Variants in SMAP1 observed in about 807,000 individuals in gnomAD.
SMAP1 encodes small ArfGAP 1.
In SMAP1, 24 loss-of-function variants were observed where a neutral mutation model predicts 58.5. The ratio of observed to expected loss-of-function variants is 0.41; its 90% confidence interval spans 0.30 to 0.58. The LOEUF (loss-of-function observed/expected upper bound fraction) is 0.58, where lower values mean the gene tolerates loss of function less well. Ranked by LOEUF, SMAP1 falls within the 20% of genes least tolerant of loss-of-function variation. SMAP1 has a pLI of 0.29. For synonymous variants in SMAP1, 216 were observed against 196.6 expected, an observed-to-expected ratio of 1.10 and a Z score of -0.82; for missense variants, 563 against 566.3, an observed-to-expected ratio of 0.99 and a Z score of 0.06.
rs1026733087 is a variant in SMAP1, at chr6:70,747,412, A to T, written c.253-7568A>T. On this transcript the variant is annotated intron_variant, in intron 2 of 10. Coordinates refer to ENST00000370455, the MANE Select transcript of SMAP1 (RefSeq NM_001044305.3). Reference sequence around the variant, plus strand: ...TGCTAGGTGCAGTTATATGTGTCAGAGGAGGTAAAGGTGAAGGTTACAGCC... The same window carrying T: ...TGCTAGGTGCAGTTATATGTGTCAGTGGAGGTAAAGGTGAAGGTTACAGCC... 2.0e-5 allele frequency among the ~76,000 whole-genome samples: 3 copies of T among 152,278 alleles called. 1 individual carries two copies. In the South Asian group the frequency reaches 6.2e-4, roughly 32 times the overall value.
intron 3 of SMAP1, among the ~76,000 whole-genome samples, chr6:70,768,055 AT>A (rs1271876123): frequency 6.6e-6 from 1 of 151,864 alleles, no homozygotes; most frequent in Non-Finnish European, 1.5e-5. Flanking sequence ...GATTACATTT[AT>A]TGATTTGTGT....
At position 70,860,815 on chromosome 6, in the gene SMAP1, A is replaced by C. The variant is rs1160169273; in HGVS notation, c.*481A>C. 2 of 397,462 alleles carry C rather than the reference A, an allele frequency of 5.0e-6. No homozygotes were observed. The highest frequency in any genetic ancestry group is 8.9e-6 in the Non-Finnish European group (2 of 225,178). The allele number at this position is 397,462 out of a possible 1,614,324, so 24.6% of individuals were successfully genotyped here. ...TTTTCTAGTGTATCAAAATGCTCTT[A>C]TTTCATCATTCACTTCACTGTGCTG... is the stretch of plus-strand genomic sequence containing the variant. On this transcript the variant is annotated 3_prime_UTR_variant, in exon 11 of 11. Transcript: ENST00000370455.
At chr6:70,771,247 G>A (rs1357299047) in intron 3 of SMAP1, among the ~76,000 whole-genome samples, 1 of 152,252 alleles carries the variant, frequency 6.6e-6, no homozygotes, top group Non-Finnish European at 1.5e-5. Context: ...CAGATCTCCA[G>A]CTGTGTGCTG....
At chr6:70,720,455 G>T (rs1768473376) in intron 1 of SMAP1, among the ~76,000 whole-genome samples, 1 of 152,080 alleles carries the variant, frequency 6.6e-6, no homozygotes, top group Admixed American at 6.5e-5. Flanking sequence ...TACCATTCTG[G>T]GATCTGGAGG....
intron 1 of SMAP1, among the ~76,000 whole-genome samples, chr6:70,688,624 T>C (rs1158798433): frequency 6.6e-6 from 1 of 152,236 alleles, no homozygotes; most frequent in Non-Finnish European, 1.5e-5. Flanking sequence ...ATGTTTCATT[T>C]TCTAAATAGA....
intron 1 of SMAP1, among the ~76,000 whole-genome samples, chr6:70,680,811 C>T (rs539958808): frequency 1.1e-4 from 17 of 149,328 alleles, no homozygotes; most frequent in African/African-American, 2.7e-4. Flanking sequence ...CTCTGCCTCC[C>T]GGGTTCAAGT....
chr6:70,822,620 G>C (rs1360927377), intron 6 of SMAP1, among the ~76,000 whole-genome samples: 1 of 152,128 alleles, frequency 6.6e-6, no homozygotes, highest in African/African-American at 2.4e-5. Context: ...TGATGTACTT[G>C]GGTATAATTT....
intron 3 of SMAP1, among the ~76,000 whole-genome samples, chr6:70,765,648 C>T (rs1766939710): frequency 6.6e-6 from 1 of 152,128 alleles, no homozygotes; most frequent in Non-Finnish European, 1.5e-5. Flanking sequence ...TTTCTTACCA[C>T]ATCATTTATT....
At chr6:70,834,315 A>C (rs1770479332) in intron 6 of SMAP1, among the ~76,000 whole-genome samples, 2 of 151,890 alleles carry the variant, frequency 1.3e-5, no homozygotes, top group South Asian at 4.2e-4. Context: ...GGAATTCCTC[A>C]CAAGTTTAGT....
At chr6:70,795,000 G>T (rs1042638182) in intron 5 of SMAP1, among the ~76,000 whole-genome samples, 1 of 151,848 alleles carries the variant, frequency 6.6e-6, no homozygotes, top group Non-Finnish European at 1.5e-5. Flanking sequence ...GTGTTAGCCC[G>T]GATGGTCTCG....
intron 6 of SMAP1, among the ~76,000 whole-genome samples, chr6:70,802,461 A>G (rs1175165182): frequency 6.6e-6 from 1 of 151,976 alleles, no homozygotes; most frequent in Non-Finnish European, 1.5e-5. Flanking sequence ...AAACAGGGAG[A>G]ATTTGACTTC....
chr6:70,853,559 T>TA (rs1348854967), intron 8 of SMAP1, among the ~76,000 whole-genome samples: 1 of 152,184 alleles, frequency 6.6e-6, no homozygotes, highest in Non-Finnish European at 1.5e-5. Flanking sequence ...CTGTTGCACA[T>TA]ATTTATTGTT....
intron 1 of SMAP1, among the ~76,000 whole-genome samples, chr6:70,715,794 G>A (rs150671125): frequency 0.02 from 3,012 of 152,190 alleles, 49 homozygotes; most frequent in Non-Finnish European, 0.03. Flanking sequence ...GGTTACATGA[G>A]TAAGTTCTTT....
chr6:70,738,231 C>T (rs966595582), intron 2 of SMAP1, among the ~76,000 whole-genome samples: 2 of 152,114 alleles, frequency 1.3e-5, no homozygotes, highest in African/African-American at 4.8e-5. Flanking sequence ...GTTCCAAAAA[C>T]ATTTTCATTT....
chr6:70,822,383 A>T (rs1769928183), intron 6 of SMAP1, among the ~76,000 whole-genome samples: 2 of 151,812 alleles, frequency 1.3e-5, no homozygotes, highest in Non-Finnish European at 1.5e-5. Flanking sequence ...CCTGAGAGAC[A>T]GAAGTTTGGC....
chr6:70,698,617 A>G lies in SMAP1; in HGVS notation c.118+30476A>G, dbSNP rs117783052. On this transcript the variant is annotated intron_variant, in intron 1 of 10. Transcript: ENST00000370455. Reference sequence around the variant, plus strand: ...TTTGTCTCTTCTGACTGTATTTTGAAATAGCCTGCTTCAAGCTTACGAATT... The same window carrying G: ...TTTGTCTCTTCTGACTGTATTTTGAGATAGCCTGCTTCAAGCTTACGAATT... Among the ~76,000 whole-genome samples the G allele has an allele frequency of 2.0e-5, 3 of 152,068 alleles. No homozygotes were observed. In the East Asian group the frequency reaches 5.8e-4, roughly 29 times the overall value.
intron 2 of SMAP1, among the ~76,000 whole-genome samples, chr6:70,737,547 G>C (rs1379865808): frequency 6.6e-6 from 1 of 152,192 alleles, no homozygotes; most frequent in Non-Finnish European, 1.5e-5. Context: ...TCTGTATGTA[G>C]TATGTGCTCA....
chr6:70,711,613 C>T (rs868082953), intron 1 of SMAP1, among the ~76,000 whole-genome samples: 3 of 151,592 alleles, frequency 2.0e-5, no homozygotes, highest in South Asian at 2.1e-4. Context: ...CTGTGACCTC[C>T]GCCTCCCAGG....
At chr6:70,680,105 A>G (rs1022335614) in intron 1 of SMAP1, among the ~76,000 whole-genome samples, 7 of 145,906 alleles carry the variant, frequency 4.8e-5, no homozygotes, top group African/African-American at 1.1e-4. Context: ...AGTCTTTTCA[A>G]CAACAACAAC....
Sources: allele counts gnomAD v4.1 joint callset (sites outside exome capture counted in the v4.1 genomes callset), GRCh38; gene constraint gnomAD v4.1.1; transcripts MANE v1.5; gene names NCBI Gene and HGNC (gene_info 2026-07-23, HGNC 2026-07-21).